The following ARHGEF10L variants were observed in gnomAD, a reference collection of about 807,000 sequenced individuals.
ARHGEF10L encodes the protein Rho guanine nucleotide exchange factor 10 like.
A neutral mutation model predicts 141.2 loss-of-function variants in ARHGEF10L; 69 were observed. The ratio of observed to expected loss-of-function variants is 0.49; its 90% CI spans 0.40 to 0.60. ARHGEF10L has a LOEUF of 0.60. Ranked by LOEUF, ARHGEF10L falls within the 20% of genes least tolerant of loss-of-function variation. The probability of loss-of-function intolerance (pLI) is 0.00; values close to 1 mark genes in which losing one functional copy is unlikely to be tolerated. For missense variants in ARHGEF10L, 1,482 were observed against 1,734.3 expected (o/e 0.85, Z 2.58); for synonymous variants, 711 against 718.5 (o/e 0.99, Z 0.17).
intron 1 of ARHGEF10L, among the ~76,000 whole-genome samples, chr1:17,565,543 C>T (rs547339317): frequency 1.2e-4 from 19 of 152,330 alleles, no homozygotes; most frequent in African/African-American, 4.3e-4. Flanking sequence ...GTTTCTGCAG[C>T]CCCCAGGTCT....
chr1:17,581,645 A>G (rs1287806449), intron 2 of ARHGEF10L, among the ~76,000 whole-genome samples: 1 of 152,166 alleles, frequency 6.6e-6, no homozygotes, highest in Non-Finnish European at 1.5e-5. Flanking sequence ...GTTAAGTGAC[A>G]TGTTGTCTCT....
At chr1:17,561,440 G>A (rs559204319) in intron 1 of ARHGEF10L, among the ~76,000 whole-genome samples, 36 of 152,276 alleles carry the variant, frequency 2.4e-4, no homozygotes, top group African/African-American at 7.0e-4. Flanking sequence ...CCTGCCCCCC[G>A]CAGCCTTGCA....
At chr1:17,548,486 T>C (rs1390037699) in intron 1 of ARHGEF10L, among the ~76,000 whole-genome samples, 1 of 152,006 alleles carries the variant, frequency 6.6e-6, no homozygotes, top group Non-Finnish European at 1.5e-5. Flanking sequence ...GTAAGGTTTG[T>C]TATGCAGATA....
In ARHGEF10L at chr1:17,621,915, G is replaced by A. The variant is rs376652146; in HGVS notation, c.994G>A (p.Val332Met). The change falls in exon 11 of 29, where the codon GTG becomes ATG. Residue 332 changes from valine to methionine, a missense_variant. Val to Met is a conservative substitution (Grantham distance 21, BLOSUM62 1). This residue lies in a region of ARHGEF10L where 392 missense variants were observed against 542.1 expected (regional missense o/e 0.72). Transcript: ENST00000361221. The surrounding 1 kb of genome is among the most constrained non-coding windows in gnomAD (Gnocchi z 4.1). ...CATCGTGCAGAGCGAAGGCAGCTAC[G>A]TGGAGTCTCTGAAGCGGATACTCCA... The part of the protein sequence containing the change: ...GSIVQSEGSY[V>M]ESLKRILQDY... 1.2e-5 allele frequency: 19 copies of A among 1,614,056 alleles called. No homozygotes were observed. Among genetic ancestry groups the A allele is most frequent in the African/African-American group, 5.3e-5 (4 of 74,922 alleles).
chr1:17,676,752 C>T (rs1053491462), intron 26 of ARHGEF10L, among the ~76,000 whole-genome samples: 3 of 152,026 alleles, frequency 2.0e-5, no homozygotes, highest in African/African-American at 7.3e-5. Context: ...TTCCCCTTCT[C>T]CAGCCACTGG....
intron 26 of ARHGEF10L, among the ~76,000 whole-genome samples, chr1:17,684,583 A>C (rs2064406103): frequency 6.6e-6 from 1 of 152,092 alleles, no homozygotes; most frequent in Admixed American, 6.5e-5. Context: ...CTGAGCCCCC[A>C]ATCTGAGACA....
chr1:17,544,709 A>AGTGTATTTTT (rs1557688004), intron 1 of ARHGEF10L, among the ~76,000 whole-genome samples: 2 of 151,194 alleles, frequency 1.3e-5, no homozygotes, highest in Non-Finnish European at 2.9e-5. Context: ...TGCGTTGGGG[A>AGTGTATTTTT]GTGTATTAGT....
intron 1 of ARHGEF10L, among the ~76,000 whole-genome samples, chr1:17,543,905 C>T (rs1451721312): frequency 6.6e-6 from 1 of 151,676 alleles, no homozygotes; most frequent in Non-Finnish European, 1.5e-5. Flanking sequence ...GCCTCAGCCT[C>T]CCAAAGTGCT....
chr1:17,568,710 C>T (rs61670620), intron 1 of ARHGEF10L, among the ~76,000 whole-genome samples: 2,690 of 152,262 alleles, frequency 0.018, 77 homozygotes, highest in African/African-American at 0.061. Context: ...TCTGGTTCCT[C>T]GTAAGTCGCA....
At chr1:17,602,023 C>T (rs2080728124) in intron 4 of ARHGEF10L, 104 bp from the exon 5 acceptor site, 1 of 1,077,306 alleles carries the variant, frequency 9.3e-7, no homozygotes, top group Non-Finnish European at 1.3e-6. Context: ...GCCTGGCCCT[C>T]AGCCCACTTT....
chr1:17,678,680 A>G (rs1442431239), intron 26 of ARHGEF10L, among the ~76,000 whole-genome samples: 1 of 152,132 alleles, frequency 6.6e-6, no homozygotes, highest in Non-Finnish European at 1.5e-5. Flanking sequence ...CAGCTTCCCA[A>G]AGTGCTGGGA....
intron 1 of ARHGEF10L, among the ~76,000 whole-genome samples, chr1:17,574,352 A>C (rs913425638): frequency 6.6e-6 from 1 of 152,174 alleles, no homozygotes; most frequent in Non-Finnish European, 1.5e-5. Context: ...GTCATTTCAA[A>C]TTTTGTGATC....
chr1:17,516,349 G>A, the ARHGEF10L span, among the ~76,000 whole-genome samples: 22 of 152,356 alleles, frequency 1.4e-4, no homozygotes, highest in Admixed American at 3.3e-4. Flanking sequence ...TGCAGGGCCC[G>A]CTGGGGGTGT....
At chr1:17,689,312 G>C (rs1558041948) in intron 27 of ARHGEF10L, among the ~76,000 whole-genome samples, 1 of 151,962 alleles carries the variant, frequency 6.6e-6, no homozygotes, top group Non-Finnish European at 1.5e-5. Flanking sequence ...ACTGTTATGA[G>C]GATAAATGCT....
the ARHGEF10L span, among the ~76,000 whole-genome samples, chr1:17,515,834 G>A: frequency 6.6e-6 from 1 of 152,054 alleles, no homozygotes; most frequent in Non-Finnish European, 1.5e-5. Flanking sequence ...GTAGAGACAG[G>A]GTTCTGCATG....
At chr1:17,652,165 T>C (rs1472705873) in intron 22 of ARHGEF10L, among the ~76,000 whole-genome samples, 2 of 152,190 alleles carry the variant, frequency 1.3e-5, no homozygotes, top group African/African-American at 4.8e-5. Context: ...GGCCACAGTG[T>C]AGACAGGGTC....
chr1:17,690,353 C>T (rs758225063), intron 27 of ARHGEF10L, among the ~76,000 whole-genome samples: 1 of 152,234 alleles, frequency 6.6e-6, no homozygotes, highest in Admixed American at 6.5e-5. Context: ...GTCCCTACCC[C>T]GCAGGGCAGG....
intron 1 of ARHGEF10L, among the ~76,000 whole-genome samples, chr1:17,579,096 C>T (rs534899972): frequency 4.7e-4 from 71 of 152,266 alleles, no homozygotes; most frequent in African/African-American, 1.7e-3. Context: ...TCTTGGCTCA[C>T]TGCAACCTCC....
At chr1:17,690,452 C>T (rs1359494087) in intron 27 of ARHGEF10L, among the ~76,000 whole-genome samples, 3 of 152,266 alleles carry the variant, frequency 2.0e-5, no homozygotes, top group Admixed American at 1.3e-4. Flanking sequence ...ATTTTGCCGT[C>T]ATCGTCTTTA....
Sources: allele counts gnomAD v4.1 joint callset (sites outside exome capture counted in the v4.1 genomes callset), GRCh38; gene constraint gnomAD v4.1.1; regional missense constraint gnomAD v4.1.1; non-coding constraint Gnocchi (gnomAD v3.1); transcripts MANE v1.5; gene names NCBI Gene and HGNC (gene_info 2026-07-23, HGNC 2026-07-21).